Variants in ABCA4 observed in about 807,000 individuals in gnomAD.
The protein encoded by ABCA4 is retinal-specific phospholipid-transporting ATPase ABCA4.
Under a neutral mutation model 263.7 loss-of-function variants are expected in ABCA4, and 196 were observed. That is an observed-to-expected ratio of 0.74 (90% CI 0.66 to 0.84). ABCA4 has a LOEUF of 0.84. ABCA4 is among the 40% of genes least tolerant of loss of function. ABCA4 has a pLI of 0.00. For synonymous variants in ABCA4, 1,133 were observed against 1,094.2 expected (o/e 1.04, Z -0.70); for missense variants, 2,792 against 2,855.1 (o/e 0.98, Z 0.50).
At position 94,021,712 on chromosome 1, in the gene ABCA4, G is replaced by C; in HGVS notation, c.4776C>G (p.Gly1592=). 1 of 1,611,104 alleles carries C rather than the reference G, an allele frequency of 6.2e-7. No individual in the cohort carries two copies. Among genetic ancestry groups the C allele is most frequent in the Non-Finnish European group, 8.5e-7 (1 of 1,178,424 alleles). The change falls in exon 34 of 50, where the codon GGC becomes GGG. Residue 1592 remains glycine (G), a splice_region_variant and synonymous_variant. Coordinates refer to ENST00000370225, the MANE Select transcript of ABCA4 (RefSeq NM_000350.3). ...DLGRIMNVSG[G]PITREASKEI... is the part of the protein sequence containing the mutation. Reference sequence around the variant, plus strand: ...CTTTAGAGGCCTCTCTAGTGATAGGGCCCTAAAAACCATGTAAACAAACAA... The same window carrying C: ...CTTTAGAGGCCTCTCTAGTGATAGGCCCCTAAAAACCATGTAAACAAACAA...
At chr1:94,008,076 T>C (rs1474478885) in intron 42 of ABCA4, among the ~76,000 whole-genome samples, 159 bp downstream of exon 42, 1 of 152,266 alleles carries the variant, frequency 6.6e-6, no homozygotes, top group Non-Finnish European at 1.5e-5. Context: ...TATTTTCTTT[T>C]TACTTTTCTC....
intron 43 of ABCA4, among the ~76,000 whole-genome samples, chr1:94,007,303 ATTT>A (rs3838272): frequency 6.6e-6 from 1 of 151,998 alleles, no homozygotes; most frequent in Non-Finnish European, 1.5e-5. Flanking sequence ...GCAATGGTGC[ATTT>A]TTATAGGAAT....
At chr1:94,116,962 T>TTC (rs1557812164) in intron 1 of ABCA4, among the ~76,000 whole-genome samples, 1 of 121,170 alleles carries the variant, frequency 8.3e-6, no homozygotes, top group African/African-American at 3.1e-5. Context: ...CCTCCTTTCT[T>TTC]TCTTTCTCTT....
At chr1:94,083,210 G>A in intron 7 of ABCA4, 142 bp downstream of exon 7, 2 of 804,900 alleles carry the variant, frequency 2.5e-6, no homozygotes, top group Admixed American at 1.8e-5. Flanking sequence ...GATGTGAACA[G>A]GTGCTTTGAA....
Position 94,041,314 on chromosome 1 carries a change from G to A in ABCA4, c.3417C>T (p.Tyr1139=). 1 of 1,614,134 alleles carries A rather than the reference G, an allele frequency of 6.2e-7. No individual in the cohort carries two copies. The highest frequency in any genetic ancestry group is 8.5e-7 in the Non-Finnish European group (1 of 1,180,016). The part of the protein sequence containing the change: ...RIAIIAQGRL[Y]CSGTPLFLKN... ...TCAGGAAGAGTGGGGTGCCTGAGCA[G>A]TAGAGCCTTCCCTGGGCAATGATGG... Residue 1139 remains tyrosine, a synonymous_variant, in exon 23 of 50, where the codon TAC becomes TAT. Coordinates refer to ENST00000370225, the MANE Select transcript of ABCA4 (RefSeq NM_000350.3).
At chr1:94,115,144 C>T (rs565977150) in intron 1 of ABCA4, among the ~76,000 whole-genome samples, 13 of 152,160 alleles carry the variant, frequency 8.5e-5, no homozygotes, top group Non-Finnish European at 1.8e-4. Context: ...GGCTGGGGAA[C>T]AAGTTCAGTA....
At chr1:94,095,229 T>C (rs1467714999) in intron 6 of ABCA4, among the ~76,000 whole-genome samples, 1 of 152,038 alleles carries the variant, frequency 6.6e-6, no homozygotes, top group African/African-American at 2.4e-5. Context: ...CACTCACTTC[T>C]GATCTCCAAG....
In ABCA4 at chr1:94,041,409, G is replaced by A. The variant is rs2101048788; in HGVS notation, c.3329-7C>T. The A allele has an allele frequency of 4.3e-6, 7 of 1,613,426 alleles. No individual in the cohort carries two copies. Among genetic ancestry groups the A allele is most frequent in the Non-Finnish European group, 5.9e-6 (7 of 1,180,004 alleles). On this transcript the variant is annotated splice_polypyrimidine_tract_variant and splice_region_variant and intron_variant, in intron 22 of 49. Transcript: ENST00000370225. The stretch of plus-strand genomic sequence containing the variant: ...GACATGATGATGGTTCTGCCTGCAA[G>A]GTAGGGGCCAGGGCAATCACCAGGC...
In ABCA4 at chr1:94,029,576, T is replaced by C. The variant is rs1482496499; in HGVS notation, c.4408A>G (p.Ile1470Val). The change falls in exon 30 of 50, where the codon ATC becomes GTC. Residue 1470 changes from isoleucine to valine, a missense_variant. Transcript: ENST00000370225. ...TTCTGCTTCTGGAACAGCTGGGTGA[T>C]GTTTGGGGACACAGAAGGAGTCTTC... ...PWKTPSVSPN[I>V]TQLFQKQKWT... 1.2e-6 allele frequency: 2 copies of C among 1,613,930 alleles called. No individual in the cohort carries two copies. Among genetic ancestry groups the C allele is most frequent in the Non-Finnish European group, 1.7e-6 (2 of 1,179,974 alleles).
At chr1:94,041,858 G>A (rs560407383) in intron 22 of ABCA4, among the ~76,000 whole-genome samples, 42 of 152,310 alleles carry the variant, frequency 2.8e-4, no homozygotes, top group African/African-American at 9.4e-4. Flanking sequence ...CACTTTGGGA[G>A]GACAAGGCGG....
In ABCA4 at chr1:94,046,885, G is replaced by A. The variant is rs74102096; in HGVS notation, c.2918+34C>T. The A allele has an allele frequency of 2.6e-4, 414 of 1,610,602 alleles. No individual in the cohort carries two copies. The African/African-American group carries it at 4.2e-3, about 16-fold the overall frequency. On this transcript the variant is annotated intron_variant, in intron 19 of 49. Transcript: ENST00000370225. ...GACTAAGCCAGGAAATGACAGGCTAGCATGGCAGCCAGCTTCTCTGCTGGA... is the reference window on the plus strand; with the variant it reads ...GACTAAGCCAGGAAATGACAGGCTAACATGGCAGCCAGCTTCTCTGCTGGA...
rs74754582 is a variant in ABCA4, at chr1:94,007,182, G to A, written c.6005+452C>T. On this transcript the variant is annotated intron_variant, in intron 43 of 49. Coordinates refer to ENST00000370225, the MANE Select transcript of ABCA4 (RefSeq NM_000350.3). ...GAGGAAGGATTCTTCATTCATCACAGGGGTTCTTAACCTGGGATTCAAGAG... is the reference window on the plus strand; with the variant it reads ...GAGGAAGGATTCTTCATTCATCACAAGGGTTCTTAACCTGGGATTCAAGAG... 1.2e-4 allele frequency among the ~76,000 whole-genome samples: 18 copies of A among 152,266 alleles called. No individual in the cohort carries two copies. The East Asian group carries it at 3.1e-3, about 26-fold the overall frequency.
rs146715683 is a variant in ABCA4, at chr1:94,030,496, C to T, written c.4284G>A (p.Thr1428=). The part of the protein sequence containing the change: ...SMDEPGSEQF[T]VLADVLLNKP... ...TATTCAGGAGGACGTCTGCAAGTAC[C>T]GTGAACTGCTCACTGCCTGGTTCAT... is the stretch of plus-strand genomic sequence containing the variant. Residue 1428 remains threonine, a synonymous_variant, in exon 29 of 50, where the codon ACG becomes ACA. Transcript: ENST00000370225. 8.7e-5 allele frequency: 141 copies of T among 1,614,228 alleles called. No homozygotes were observed. The highest frequency in any genetic ancestry group is 8.5e-4 in the African/African-American group (64 of 75,062).
intron 1 of ABCA4, 70 bp downstream of exon 1, chr1:94,120,910 C>G: frequency 1.7e-6 from 2 of 1,145,088 alleles, no homozygotes; most frequent in Non-Finnish European, 2.6e-6. Flanking sequence ...ACCCCACCAC[C>G]CCACCCCACA....
Position 94,080,597 on chromosome 1 carries a change from G to A in ABCA4, c.980C>T (p.Pro327Leu), listed in dbSNP as rs778049752. 2 of 1,614,098 alleles carry A rather than the reference G, an allele frequency of 1.2e-6. No homozygotes were observed. Among genetic ancestry groups the A allele is most frequent in the Non-Finnish European group, 1.7e-6 (2 of 1,180,024 alleles). ...GAGCACCCGAGAGCCACCTCCCTCG[G>A]GGTAGCCACACAGGAGGTCAGACAG... Reference protein sequence around the residue: ...GILSDLLCGYPEGGGSRVLSF... With the variant: ...GILSDLLCGYLEGGGSRVLSF... Residue 327 changes from proline (P) to leucine (L), a missense_variant, in exon 8 of 50, where the codon CCC (proline) becomes CTC (leucine). By Grantham distance (98) the Pro-to-Leu change is moderately conservative. Transcript: ENST00000370225.
At chr1:94,018,262 A>G (rs1388762742) in intron 36 of ABCA4, among the ~76,000 whole-genome samples, 1 of 152,250 alleles carries the variant, frequency 6.6e-6, no homozygotes, top group African/African-American at 2.4e-5. Flanking sequence ...TCTATTTCTT[A>G]TCTTTTAAAA....
chr1:93,995,689 C>T (rs1658979954), intron 49 of ABCA4, among the ~76,000 whole-genome samples: 1 of 152,158 alleles, frequency 6.6e-6, no homozygotes, highest in East Asian at 1.9e-4. Flanking sequence ...CAGTTAAGTC[C>T]CTTCCCTTGA....
intron 44 of ABCA4, among the ~76,000 whole-genome samples, chr1:94,002,659 C>T (rs761456906): frequency 2.0e-5 from 3 of 152,168 alleles, no homozygotes; most frequent in Non-Finnish European, 4.4e-5. Context: ...ACTAGTCCCC[C>T]GTGCCTGGAA....
intron 14 of ABCA4, 54 bp downstream of exon 14, chr1:94,060,483 G>A (rs1661090477): frequency 3.3e-6 from 5 of 1,523,516 alleles, no homozygotes; most frequent in Non-Finnish European, 4.5e-6. Flanking sequence ...CAGGAGGAAA[G>A]GGGAAAGGAA....
Sources: gnomAD v4.1 joint callset for allele counts (sites outside exome capture counted in the v4.1 genomes callset) on GRCh38, gnomAD v4.1.1 for gene constraint, MANE v1.5 for transcripts, NCBI Gene and HGNC (gene_info 2026-07-23, HGNC 2026-07-21) for gene names.